The following ESR1 variants were observed in gnomAD, a reference collection of about 807,000 sequenced individuals.
ESR1 encodes the protein estrogen receptor.
A neutral mutation model predicts 52.7 loss-of-function variants in ESR1; 12 were observed. The observed-to-expected ratio is 0.23, with a 90% CI of 0.15 to 0.37. ESR1 has a LOEUF of 0.37. Among genes scored for constraint, ESR1 ranks in the 10% least tolerant of loss-of-function variants. The probability of loss-of-function intolerance (pLI) is 1.00; values close to 1 mark genes in which losing one functional copy is unlikely to be tolerated. For missense variants in ESR1, 584 were observed against 779.7 expected, an observed-to-expected ratio of 0.75 and a Z score of 2.99; for synonymous variants, 305 against 316.8, an observed-to-expected ratio of 0.96 and a Z score of 0.39.
chr6:151,700,642 C>G (rs565667181), intron 1 of ESR1, among the ~76,000 whole-genome samples: 1 of 150,198 alleles, frequency 6.7e-6, no homozygotes, highest in Non-Finnish European at 1.5e-5. Flanking sequence ...AATTCTGAAG[C>G]CTCCCTAATA....
upstream of ESR1, among the ~76,000 whole-genome samples, chr6:151,686,712 CCAACCAACCAA>C (rs1562329230): frequency 6.6e-6 from 1 of 151,636 alleles, no homozygotes; most frequent in African/African-American, 2.4e-5. Flanking sequence ...AACCAACCAA[CCAACCAACCAA>C]CCAACCAACC....
intron 3 of ESR1, among the ~76,000 whole-genome samples, chr6:151,934,073 G>T (rs2034057055): frequency 6.6e-6 from 1 of 152,182 alleles, no homozygotes; most frequent in Non-Finnish European, 1.5e-5. Context: ...GCATGGCCCT[G>T]TGGGATTGGC....
chr6:151,970,089 G>T (rs1282197082), intron 4 of ESR1, among the ~76,000 whole-genome samples: 1 of 151,910 alleles, frequency 6.6e-6, no homozygotes, highest in Non-Finnish European at 1.5e-5. Flanking sequence ...TCTGCCCCCG[G>T]AAAGGCCCTT....
At chr6:152,028,954 A>G (rs1256066245) in intron 5 of ESR1, among the ~76,000 whole-genome samples, 2 of 152,202 alleles carry the variant, frequency 1.3e-5, no homozygotes, top group African/African-American at 4.8e-5. Flanking sequence ...CTCCAGAGGA[A>G]CGATCAGGCA....
chr6:151,963,882 A>G (rs1276491658), intron 4 of ESR1, among the ~76,000 whole-genome samples: 1 of 152,002 alleles, frequency 6.6e-6, no homozygotes, highest in Non-Finnish European at 1.5e-5. Context: ...CCATTTTTTT[A>G]TATGTGGATA....
Position 152,101,318 on chromosome 6 carries a change from G to A in ESR1, c.*2352G>A, listed in dbSNP as rs1487641637. The stretch of plus-strand genomic sequence containing the variant: ...TAATATTTTTGGACAGTAGCTAATG[G>A]GTCAGTGGGTTCTTTTTAATGTTTA... On this transcript the variant is annotated 3_prime_UTR_variant, in exon 8 of 8. Transcript: ENST00000206249. 1 of 232,158 alleles carries A rather than the reference G, an allele frequency of 4.3e-6. No individual in the cohort carries two copies. The highest frequency in any genetic ancestry group is 5.6e-5 in the Admixed American group (1 of 17,716). 14.4% of individuals were successfully genotyped at this position (232,158 alleles called of 1,614,324 possible). A position where few individuals can be genotyped will look rare whatever the true frequency, so the allele number is the denominator to read the frequency against.
At chr6:151,665,656 T>A (rs1777797183) in intron 1 of ESR1, among the ~76,000 whole-genome samples, 1 of 152,132 alleles carries the variant, frequency 6.6e-6, no homozygotes, top group African/African-American at 2.4e-5. Context: ...CCCTTTCCCA[T>A]GCCGAGACTT....
intron 1 of ESR1, among the ~76,000 whole-genome samples, chr6:151,668,364 C>T (rs997493030): frequency 2.0e-5 from 3 of 152,000 alleles, no homozygotes; most frequent in African/African-American, 4.8e-5. Flanking sequence ...CTGCAAGCTC[C>T]GCCTCCTGGG....
intron 2 of ESR1, among the ~76,000 whole-genome samples, chr6:151,752,644 G>A (rs186341019): frequency 1.4e-4 from 22 of 151,908 alleles, no homozygotes; most frequent in Admixed American, 1.0e-3. Context: ...TCACCACAAT[G>A]GAAAGGACTA....
At chr6:151,773,446 T>C (rs901180088) in intron 2 of ESR1, among the ~76,000 whole-genome samples, 1 of 152,250 alleles carries the variant, frequency 6.6e-6, no homozygotes, top group South Asian at 2.1e-4. Flanking sequence ...TTACACTTTC[T>C]CATCTGTGAT....
intron 3 of ESR1, among the ~76,000 whole-genome samples, chr6:151,910,951 G>A (rs1198015735): frequency 2.0e-5 from 3 of 152,104 alleles, no homozygotes; most frequent in Non-Finnish European, 2.9e-5. Context: ...AGATCATCAG[G>A]CATTATTAGG....
rs1056339622 is a variant in ESR1 at position 152,053,570 on chromosome 6, C to G, written c.1236-7421C>G. ...TCTTATCCTCTCTTTCTCTCAATCC[C>G]TCTCTCCCTCTTTCTCTCTCTCAAT... On this transcript the variant is annotated intron_variant, in intron 5 of 7. Transcript: ENST00000206249. The surrounding 1 kb of genome is among the most constrained non-coding windows in gnomAD (Gnocchi z 4.1). Among the ~76,000 whole-genome samples the G allele has an allele frequency of 2.6e-5, 4 of 151,500 alleles. No individual in the cohort carries two copies. Among genetic ancestry groups the G allele is most frequent in the Non-Finnish European group, 5.9e-5 (4 of 67,896 alleles).
chr6:152,059,330 T>A (rs1014232124), intron 5 of ESR1, among the ~76,000 whole-genome samples: 6 of 151,934 alleles, frequency 3.9e-5, no homozygotes, highest in Non-Finnish European at 8.8e-5. Context: ...TTTATTTATT[T>A]TTCTTTGCTT....
chr6:151,765,226 A>T (rs1784956544), intron 2 of ESR1, among the ~76,000 whole-genome samples: 1 of 152,234 alleles, frequency 6.6e-6, no homozygotes. Flanking sequence ...CTACATTTTT[A>T]TTAGGAATAT....
chr6:152,077,959 G>A (rs2048878199), intron 6 of ESR1, among the ~76,000 whole-genome samples: 1 of 152,100 alleles, frequency 6.6e-6, no homozygotes, highest in Non-Finnish European at 1.5e-5. Context: ...AAGACTTTGG[G>A]GGACTGTTGG....
chr6:151,897,251 A>G (rs1294230241), intron 3 of ESR1, among the ~76,000 whole-genome samples: 1 of 152,160 alleles, frequency 6.6e-6, no homozygotes, highest in Admixed American at 6.5e-5. Flanking sequence ...TTCTGTCTTG[A>G]TGACCTGTCT....
intron 1 of ESR1, among the ~76,000 whole-genome samples, chr6:151,837,980 T>C (rs1783648974): frequency 6.6e-6 from 1 of 152,186 alleles, no homozygotes; most frequent in Non-Finnish European, 1.5e-5. Flanking sequence ...TAAGAGTCTT[T>C]TAAATAAATT....
chr6:152,040,261 CCTGCCACCACAGCCA>C (rs879642518), intron 5 of ESR1, among the ~76,000 whole-genome samples: 31 of 152,294 alleles, frequency 2.0e-4, no homozygotes, highest in South Asian at 6.2e-4. Context: ...AACCTCCATC[CCTGCCACCACAGCCA>C]CTTTGTTCAT....
At chr6:151,820,206 G>A (rs1780338054) in intron 1 of ESR1, among the ~76,000 whole-genome samples, 2 of 152,144 alleles carry the variant, frequency 1.3e-5, no homozygotes, top group African/African-American at 2.4e-5. Flanking sequence ...ACAAAGAAGG[G>A]CAGGTGAGGT....
Sources: allele counts gnomAD v4.1 joint callset (sites outside exome capture counted in the v4.1 genomes callset), GRCh38; gene constraint gnomAD v4.1.1; non-coding constraint Gnocchi (gnomAD v3.1); transcripts MANE v1.5; gene names NCBI Gene and HGNC (gene_info 2026-07-23, HGNC 2026-07-21).